PREP: variants seen among roughly 807,000 people sequenced by gnomAD.
PREP encodes dJ355L5.1 (prolyl endopeptidase).
In PREP, 29 loss-of-function variants were observed where a neutral mutation model predicts 87.6. That is an observed-to-expected ratio of 0.33 (90% CI 0.25 to 0.45). The LOEUF (loss-of-function observed/expected upper bound fraction) is 0.45. PREP is among the 20% of genes least tolerant of loss of function. PREP has a pLI of 1.00. For missense variants in PREP, 695 were observed against 886.5 expected (o/e 0.78, Z 2.74); for synonymous variants, 337 against 328.6 (o/e 1.03, Z -0.28).
At chr6:105,316,960 T>A (rs1178991002) in intron 10 of PREP, among the ~76,000 whole-genome samples, 3 of 138,460 alleles carry the variant, frequency 2.2e-5, no homozygotes, top group Non-Finnish European at 3.2e-5. Context: ...GTCTAATTAA[T>A]TTTTTTTTTT....
intron 7 of PREP, among the ~76,000 whole-genome samples, chr6:105,344,564 C>G (rs1318131974): frequency 2.0e-5 from 3 of 151,646 alleles, no homozygotes; most frequent in Non-Finnish European, 4.4e-5. Context: ...ATCATTCTCA[C>G]CAAACTATCG....
chr6:105,275,431 C>G lies in PREP; in HGVS notation c.*2713G>C, dbSNP rs1769913105. 6.6e-6 allele frequency among the ~76,000 whole-genome samples: 1 copy of G among 152,160 alleles called. No individual in the cohort carries two copies. The highest frequency in any genetic ancestry group is 6.6e-5 in the Admixed American group (1 of 15,264). ...TGAACATAAATGTGACTTTATCTTGCTAAGGTAACAAATGCTCTGGTGTGC... is the reference window on the plus strand; with the variant it reads ...TGAACATAAATGTGACTTTATCTTGGTAAGGTAACAAATGCTCTGGTGTGC... On this transcript the variant is annotated 3_prime_UTR_variant, in exon 15 of 15. Transcript: ENST00000652536.
At chr6:105,297,911 A>G (rs1770443976) in intron 10 of PREP, among the ~76,000 whole-genome samples, 3 of 152,244 alleles carry the variant, frequency 2.0e-5, no homozygotes, top group Non-Finnish European at 4.4e-5. Flanking sequence ...CATCGGTAAG[A>G]TCTCATAAGC....
intron 10 of PREP, among the ~76,000 whole-genome samples, chr6:105,315,416 C>T (rs895845374): frequency 3.3e-5 from 5 of 152,218 alleles, no homozygotes; most frequent in Admixed American, 2.6e-4. Flanking sequence ...AGAGTTCCTA[C>T]TGCCTTGGTC....
intron 5 of PREP, among the ~76,000 whole-genome samples, chr6:105,369,649 T>TA (rs1334815156): frequency 6.6e-6 from 1 of 152,078 alleles, no homozygotes; most frequent in Admixed American, 6.6e-5. Context: ...GTAGCCTTTT[T>TA]AAAAAAAGGT....
rs753391349 is a variant in PREP at position 105,376,245 on chromosome 6, A to T, written c.265T>A (p.Phe89Ile). Residue 89 changes from phenylalanine (F) to isoleucine (I), a missense_variant, in exon 4 of 15, where the codon TTT (phenylalanine) becomes ATT (isoleucine). Transcript: ENST00000652536. The stretch of plus-strand genomic sequence containing the variant: ...TGGTTCTGCAAACCTGTATTGTAAA[A>T]ATAAAAATACCTGGGGAACAGAGAT... ...HFKKGKRYFY[F>I]YNTGLQNQRV... The T allele has an allele frequency of 9.9e-6, 16 of 1,613,286 alleles. No homozygotes were observed. The highest frequency in any genetic ancestry group is 1.3e-5 in the Non-Finnish European group (15 of 1,179,584).
intron 6 of PREP, among the ~76,000 whole-genome samples, chr6:105,360,363 T>C (rs1772215022): frequency 6.6e-6 from 1 of 152,226 alleles, no homozygotes; most frequent in Admixed American, 6.5e-5. Context: ...TTTCTTACCC[T>C]GGCATATTTT....
Position 105,373,470 on chromosome 6 carries a change from G to A in PREP, c.494C>T (p.Pro165Leu), listed in dbSNP as rs770190052. The A allele has an allele frequency of 6.2e-7, 1 of 1,614,096 alleles. No homozygotes were observed. Among genetic ancestry groups the A allele is most frequent in the African/African-American group, 1.3e-5 (1 of 74,930 alleles). ...FMKVDGAKEL[P>L]DVLERVKFSC... is the part of the protein sequence containing the mutation. ...GAACTTGACTCTTTCAAGCACATCT[G>A]GAAGCTCTTTGGCACCATCAACTTT... The change falls in exon 5 of 15, where the codon CCA becomes CTA. Residue 165 changes from proline to leucine, a missense_variant. Physicochemically the swap from Pro to Leu is moderately conservative, Grantham distance 98. Coordinates refer to ENST00000652536, the MANE Select transcript of PREP (RefSeq NM_002726.5).
At chr6:105,296,860 T>A (rs1473129962) in intron 10 of PREP, among the ~76,000 whole-genome samples, 1 of 152,234 alleles carries the variant, frequency 6.6e-6, no homozygotes, top group Non-Finnish European at 1.5e-5. Flanking sequence ...CTTTTCAAGT[T>A]CCCTCTTTGC....
chr6:105,306,611 C>A (rs953760774), intron 10 of PREP, among the ~76,000 whole-genome samples: 6 of 152,198 alleles, frequency 3.9e-5, no homozygotes, highest in African/African-American at 1.4e-4. Flanking sequence ...AAACTCTTCT[C>A]CTCTGGCTTC....
rs1249084906 is a variant in PREP, at chr6:105,274,388, GCCT to G, written c.*3753_*3755del. 3.9e-5 allele frequency among the ~76,000 whole-genome samples: 6 copies of G among 152,176 alleles called. No individual in the cohort carries two copies. Among genetic ancestry groups the G allele is most frequent in the Non-Finnish European group, 8.8e-5 (6 of 68,022 alleles). On this transcript the variant is annotated 3_prime_UTR_variant, in exon 15 of 15. Transcript: ENST00000652536. Reference sequence around the variant, plus strand: ...TGACCCATCGCCTCCTGAAGGCCCTGCCTCCTAATTCCATCACTTTGGGATTTA... The same window carrying G: ...TGACCCATCGCCTCCTGAAGGCCCTGCCTAATTCCATCACTTTGGGATTTA...
chr6:105,314,326 G>A (rs1770817411), intron 10 of PREP, among the ~76,000 whole-genome samples: 1 of 152,174 alleles, frequency 6.6e-6, no homozygotes, highest in African/African-American at 2.4e-5. Context: ...TTGCCCACTG[G>A]TTGACTCCTC....
chr6:105,367,445 G>A lies in PREP; in HGVS notation c.717+1458C>T, dbSNP rs544158208. ...AAACGGACAATTGGGAGGCCGAAGC[G>A]GGCGGATCACGAGGTCAGGAGATCG... On this transcript the variant is annotated intron_variant, in intron 6 of 14. Transcript: ENST00000652536. 3.9e-5 allele frequency among the ~76,000 whole-genome samples: 6 copies of A among 152,212 alleles called. No homozygotes were observed. In the South Asian group the frequency reaches 6.2e-4, roughly 16 times the overall value.
Position 105,282,529 on chromosome 6 carries a change from C to T in PREP, c.1603G>A (p.Glu535Lys), listed in dbSNP as rs762933585. Residue 535 changes from glutamate (E) to lysine (K), a missense_variant, in exon 13 of 15, where the codon GAG becomes AAG. Physicochemically the swap from Glu to Lys is moderately conservative, Grantham distance 56. Transcript: ENST00000652536. ...NCFDDFQCAA[E>K]YLIKEGYTSP... The stretch of plus-strand genomic sequence containing the variant: ...GTGTAACCTTCCTTGATCAGATACT[C>T]AGCAGCACACTGAAAGTCATCAAAG... The T allele has an allele frequency of 2.5e-6, 4 of 1,614,166 alleles. No homozygotes were observed. Among genetic ancestry groups the T allele is most frequent in the Non-Finnish European group, 3.4e-6 (4 of 1,180,012 alleles).
At chr6:105,391,055 A>C in intron 2 of PREP, among the ~76,000 whole-genome samples, 1 of 147,052 alleles carries the variant, frequency 6.8e-6, no homozygotes, top group African/African-American at 2.5e-5. Flanking sequence ...ACACACACAC[A>C]CACACTTTTT....
chr6:105,314,378 G>C (rs1770818497), intron 10 of PREP, among the ~76,000 whole-genome samples: 1 of 152,194 alleles, frequency 6.6e-6, no homozygotes, highest in Non-Finnish European at 1.5e-5. Context: ...CTGTTTGATA[G>C]CATTTTGCTC....
At position 105,402,847 on chromosome 6, in the gene PREP, G is replaced by C. The variant is rs1203841262; in HGVS notation, c.45C>G (p.Ala15=). The part of the protein sequence containing the change: ...QYPDVYRDET[A]VQDYHGHKIC... ...TCTGGGCGGAGGCAGAGATACTTACGGCGGTCTCGTCGCGGTACACGTCGG... is the reference window on the plus strand; with the variant it reads ...TCTGGGCGGAGGCAGAGATACTTACCGCGGTCTCGTCGCGGTACACGTCGG... Residue 15 remains alanine (A), a splice_region_variant and synonymous_variant, in exon 1 of 15, where the codon GCC becomes GCG. Coordinates refer to ENST00000652536, the MANE Select transcript of PREP (RefSeq NM_002726.5). The C allele has an allele frequency of 1.3e-6, 2 of 1,544,868 alleles. No individual in the cohort carries two copies. Among genetic ancestry groups the C allele is most frequent in the South Asian group, 1.2e-5 (1 of 83,466 alleles).
chr6:105,315,995 A>T (rs1446530926), intron 10 of PREP, among the ~76,000 whole-genome samples: 1 of 152,206 alleles, frequency 6.6e-6, no homozygotes, highest in African/African-American at 2.4e-5. Context: ...CTTTCTCCAT[A>T]TCAGCAATAA....
Position 105,398,210 on chromosome 6 carries a change from C to T in PREP, c.46-283G>A, listed in dbSNP as rs534138343. ...TACAACACAAAACAAAGACCTGCCA[C>T]TGTGCTAAAGAAACTTGAAAACGTG... On this transcript the variant is annotated intron_variant, in intron 1 of 14. Coordinates refer to ENST00000652536, the MANE Select transcript of PREP (RefSeq NM_002726.5). Among the ~76,000 whole-genome samples, 3 of 152,324 alleles carry T rather than the reference C, an allele frequency of 2.0e-5. No individual in the cohort carries two copies. The East Asian group carries it at 5.8e-4, about 29-fold the overall frequency.
Sources: allele counts gnomAD v4.1 joint callset (sites outside exome capture counted in the v4.1 genomes callset), GRCh38; gene constraint gnomAD v4.1.1; transcripts MANE v1.5; gene names NCBI Gene and HGNC (gene_info 2026-07-23, HGNC 2026-07-21).